Variants in TRPM5 observed in about 807,000 individuals in gnomAD.
TRPM5 encodes MLSN1 and TRP-related.
A neutral mutation model predicts 124.9 loss-of-function variants in TRPM5; 121 were observed. The ratio of observed to expected loss-of-function variants is 0.97; its 90% CI spans 0.84 to 1.13. The LOEUF is 1.13. TRPM5 is among the 50% of genes most tolerant of loss of function. The probability of loss-of-function intolerance (pLI) is 0.00; values close to 1 mark genes in which losing one functional copy is unlikely to be tolerated. For missense variants in TRPM5, 1,643 were observed against 1,589.1 expected, an observed-to-expected ratio of 1.03 and a Z score of -0.58; for synonymous variants, 781 against 700.5, an observed-to-expected ratio of 1.11 and a Z score of -1.81.
chr11:2,420,082 G>A (rs1845748120), intron 4 of TRPM5, 140 bp downstream of exon 9: 2 of 759,408 alleles, frequency 2.6e-6, no homozygotes, highest in South Asian at 1.9e-5. Flanking sequence ...CCCAGGTCTC[G>A]GTGCTCAGGC....
At chr11:2,436,772 C>T in the TRPM5 span, among the ~76,000 whole-genome samples, 4 of 152,234 alleles carry the variant, frequency 2.6e-5, no homozygotes, top group Admixed American at 2.6e-4. Flanking sequence ...AAGTGATTTC[C>T]GCCAGATGGG....
At chr11:2,433,869 C>T in the TRPM5 span, among the ~76,000 whole-genome samples, 1 of 151,270 alleles carries the variant, frequency 6.6e-6, no homozygotes, top group Non-Finnish European at 1.5e-5. Flanking sequence ...AGCAGGTGTG[C>T]CTGTGGGTGT....
At chr11:2,437,129 G>C in the TRPM5 span, among the ~76,000 whole-genome samples, 1 of 152,248 alleles carries the variant, frequency 6.6e-6, no homozygotes, top group Non-Finnish European at 1.5e-5. This position sits in a 1 kb window ranked among gnomAD's most constrained non-coding sequence, Gnocchi z 5.6. Context: ...AGGGATGGGG[G>C]ATCCCCAGGT....
chr11:2,415,776 T>A, intron 8 of TRPM5, 130 bp downstream of exon 13: 1 of 717,312 alleles, frequency 1.4e-6, no homozygotes, highest in East Asian at 2.7e-5. Flanking sequence ...TGGCCTGGTC[T>A]TGCCCCGGAC....
At chr11:2,415,771 TG>T in intron 8 of TRPM5, 134 bp downstream of exon 13, 1 of 694,536 alleles carries the variant, frequency 1.4e-6, no homozygotes, top group Non-Finnish European at 2.4e-6. Context: ...AACCGTGGCC[TG>T]GTCTTGCCCC....
Position 2,412,239 on chromosome 11 carries a change from G to C in TRPM5, c.2370C>G (p.Asp790Glu), listed in dbSNP as rs370954631. Residue 790 changes from aspartate (D) to glutamate (E), a missense_variant, in exon 16 of 24, where the codon GAC becomes GAG. Asp to Glu is a conservative substitution (Grantham distance 45). Coordinates refer to ENST00000155858, the Ensembl canonical transcript of TRPM5. ...ACTTCTTCACCAGGTGTGTGTCCTC[G>C]TCTGTGAAGAAGCCCTGGGAGGGAG... 3 of 1,612,946 alleles carry C rather than the reference G, an allele frequency of 1.9e-6. No homozygotes were observed. The South Asian group carries it at 3.3e-5, about 18-fold the overall frequency.
chr11:2,413,448 G>A, intron 13 of TRPM5, 28 bp downstream of exon 18: 1 of 1,583,892 alleles, frequency 6.3e-7, no homozygotes, highest in Non-Finnish European at 8.6e-7. Context: ...TGCCTGTCCT[G>A]GCCGGGCAGC....
At chr11:2,407,875 C>T in exon 19 of TRPM5, 1 of 1,613,926 alleles carries the variant, frequency 6.2e-7, no homozygotes. Context: ...GTGAGTCCTC[C>T]AGCAGCAGTG....
the TRPM5 span, among the ~76,000 whole-genome samples, chr11:2,443,339 G>A: frequency 6.6e-6 from 1 of 152,224 alleles, no homozygotes; most frequent in Middle Eastern, 3.2e-3. This position sits in a 1 kb window ranked among gnomAD's most constrained non-coding sequence, Gnocchi z 5.0. Context: ...CCATGCAGGT[G>A]TATGTATGTT....
chr11:2,407,760 T>C, exon 19 of TRPM5: 1 of 1,613,520 alleles, frequency 6.2e-7, no homozygotes. Context: ...TGGAGTCACC[T>C]GAACATGGCG....
At chr11:2,426,943 C>T (rs1845844766), upstream of TRPM5, among the ~76,000 whole-genome samples, 1 of 152,218 alleles carries the variant, frequency 6.6e-6, no homozygotes, top group African/African-American at 2.4e-5. Flanking sequence ...CAGACCCCTC[C>T]CACTGCCCCA....
At chr11:2,406,131 C>G in intron 21 of TRPM5, 40 bp from the exon 27 acceptor site, 1 of 1,605,942 alleles carries the variant, frequency 6.2e-7, no homozygotes, top group Non-Finnish European at 8.5e-7. Flanking sequence ...GATGGCCACG[C>G]GGTGCTCTGC....
chr11:2,411,584 C>T, intron 17 of TRPM5, 51 bp downstream of exon 22: 1 of 1,609,552 alleles, frequency 6.2e-7, no homozygotes, highest in Non-Finnish European at 8.5e-7. Context: ...GGGGCCCAGG[C>T]AGGGGATTGC....
At chr11:2,436,089 C>G in the TRPM5 span, among the ~76,000 whole-genome samples, 1 of 152,206 alleles carries the variant, frequency 6.6e-6, no homozygotes, top group Admixed American at 6.5e-5. Flanking sequence ...ACACCGTAAC[C>G]CAGCAAGGCT....
chr11:2,427,252 C>T (rs148477351), upstream of TRPM5, among the ~76,000 whole-genome samples: 176 of 152,354 alleles, frequency 1.2e-3, no homozygotes, highest in African/African-American at 4.1e-3. Context: ...GCCCTTCCCA[C>T]CTGGGAGGAG....
At position 2,407,922 on chromosome 11, in the gene TRPM5, A is replaced by G; in HGVS notation, c.2783-10T>C. 1 of 1,612,848 alleles carries G rather than the reference A, an allele frequency of 6.2e-7. No homozygotes were observed. The highest frequency in any genetic ancestry group is 8.5e-7 in the Non-Finnish European group (1 of 1,179,662). On this transcript the variant is annotated splice_polypyrimidine_tract_variant and intron_variant, in intron 18 of 23. Transcript: ENST00000155858. ...CAGTTCACACGGGCTTCTGGAAAGC[A>G]AGGGTGCTGTGGGGACCAGACCGGG...
chr11:2,424,847 C>T (rs546559161), upstream of TRPM5, among the ~76,000 whole-genome samples: 178 of 152,226 alleles, frequency 1.2e-3, no homozygotes, highest in Non-Finnish European at 2.1e-3. Flanking sequence ...AAGTCAACCC[C>T]GGCACGACTT....
chr11:2,433,023 G>A, the TRPM5 span, among the ~76,000 whole-genome samples: 8 of 152,356 alleles, frequency 5.3e-5, no homozygotes, highest in Non-Finnish European at 1.0e-4. Flanking sequence ...CAGTGGAGCC[G>A]CACGTCCGTC....
rs147340879 is a variant in TRPM5, at chr11:2,415,391, G to A, written c.1209C>T (p.Gly403=). The change falls in exon 9 of 24, where the codon GGC becomes GGT. Residue 403 remains glycine (G), a synonymous_variant. Transcript: ENST00000155858. The stretch of plus-strand genomic sequence containing the variant: ...ACGTCAGGAAGTCGGCCACGTCTGC[G>A]CCGTTGTCCACAAAGAGGCGCACAA... 1.8e-4 allele frequency: 279 copies of A among 1,591,754 alleles called. 1 individual carries two copies. The African/African-American group carries it at 3.1e-3, about 18-fold the overall frequency.
Sources: gnomAD v4.1 joint callset for allele counts (sites outside exome capture counted in the v4.1 genomes callset) on GRCh38, gnomAD v4.1.1 for gene constraint, Gnocchi (gnomAD v3.1) non-coding constraint, MANE v1.5 for transcripts, NCBI Gene and HGNC (gene_info 2026-07-23, HGNC 2026-07-21) for gene names.